The following KIAA0319L variants were observed in gnomAD, a reference collection of about 807,000 sequenced individuals.
KIAA0319L encodes the protein KIAA0319 like.
In KIAA0319L, 55 loss-of-function variants were observed where a neutral mutation model predicts 120.1. The observed-to-expected ratio is 0.46, with a 90% CI of 0.37 to 0.57. The LOEUF (loss-of-function observed/expected upper bound fraction) is 0.57. Among genes scored for constraint, KIAA0319L ranks in the 20% least tolerant of loss-of-function variants. KIAA0319L has a pLI of 0.00. For missense variants in KIAA0319L, 1,049 were observed against 1,255.3 expected (o/e 0.84, Z 2.48); for synonymous variants, 398 against 471.9 (o/e 0.84, Z 2.03).
At chr1:35,480,375 G>A (rs141033510) in intron 3 of KIAA0319L, among the ~76,000 whole-genome samples, 32 of 152,330 alleles carry the variant, frequency 2.1e-4, no homozygotes, top group African/African-American at 6.7e-4. Flanking sequence ...ATTTCTTAGC[G>A]TATGGGTTTG....
intron 16 of KIAA0319L, among the ~76,000 whole-genome samples, chr1:35,444,516 C>A (rs1378785470): frequency 6.6e-6 from 1 of 152,154 alleles, no homozygotes; most frequent in Non-Finnish European, 1.5e-5. Context: ...AAGTAACTTG[C>A]CCAAGGTCAC....
At chr1:35,469,776 A>G (rs1643498181) in intron 6 of KIAA0319L, among the ~76,000 whole-genome samples, 1 of 151,984 alleles carries the variant, frequency 6.6e-6, no homozygotes, top group Non-Finnish European at 1.5e-5. Flanking sequence ...AATTATAACT[A>G]ATTCTCTGGT....
chr1:35,504,362 A>C (rs934301878), intron 3 of KIAA0319L, among the ~76,000 whole-genome samples: 1 of 151,958 alleles, frequency 6.6e-6, no homozygotes, highest in Non-Finnish European at 1.5e-5. Flanking sequence ...ACGCCCGGCT[A>C]ACTTTTTGTA....
chr1:35,513,288 A>ATATATATATATATATATATTTTTTT (rs1414704674), intron 2 of KIAA0319L, among the ~76,000 whole-genome samples: 1 of 85,338 alleles, frequency 1.2e-5, no homozygotes, highest in African/African-American at 4.3e-5. Context: ...ATATATATAT[A>ATATATATATATATATATATTTTTTT]TTTTTTTTTT....
chr1:35,506,655 T>C lies in KIAA0319L; in HGVS notation c.623A>G (p.Asp208Gly). The change falls in exon 3 of 21, where the codon GAC becomes GGC. Residue 208 changes from aspartate (D) to glycine (G), a missense_variant. By Grantham distance (94) the Asp-to-Gly change is moderately conservative. Coordinates refer to ENST00000325722, the MANE Select transcript of KIAA0319L (RefSeq NM_024874.5). This position sits in a 1 kb window ranked among gnomAD's most constrained non-coding sequence, Gnocchi z 4.0. ...AGTCAGACCACCTAATTCGTTGGAG[T>C]CATTCACTTTAGAATGCTGTGTCAC... ...PIVTQHSKVN[D>G]SNELGGLTTS... 1 of 1,614,102 alleles carries C rather than the reference T, an allele frequency of 6.2e-7. No homozygotes were observed. Among genetic ancestry groups the C allele is most frequent in the Non-Finnish European group, 8.5e-7 (1 of 1,179,988 alleles).
At chr1:35,440,231 G>C (rs931047106) in intron 20 of KIAA0319L, 2 of 152,210 alleles carry the variant, frequency 1.3e-5, no homozygotes, top group Non-Finnish European at 1.5e-5. Flanking sequence ...TTCTGCTACT[G>C]TGTGTCTTTT....
At chr1:35,534,051 TCTC>T (rs1646474324) in intron 2 of KIAA0319L, among the ~76,000 whole-genome samples, 1 of 152,220 alleles carries the variant, frequency 6.6e-6, no homozygotes, top group Non-Finnish European at 1.5e-5. Context: ...CATTGCCCTC[TCTC>T]CTCCTTTTCA....
At chr1:35,466,358 C>T (rs1643262658) in intron 7 of KIAA0319L, among the ~76,000 whole-genome samples, 1 of 152,100 alleles carries the variant, frequency 6.6e-6, no homozygotes, top group East Asian at 1.9e-4. Flanking sequence ...AGAAGTAGGT[C>T]TCGGTAGATA....
In KIAA0319L at chr1:35,489,853, G is replaced by A. The variant is rs575630498; in HGVS notation, c.667-10641C>T. Among the ~76,000 whole-genome samples the A allele has an allele frequency of 3.3e-5, 5 of 152,080 alleles. No individual in the cohort carries two copies. The East Asian group carries it at 9.7e-4, about 29-fold the overall frequency. ...GGCTAATTTTTGTATTTTGAGTAGA[G>A]AAAGGGTTTCACCATGTTGGCCAGG... On this transcript the variant is annotated intron_variant, in intron 3 of 20. Coordinates refer to ENST00000325722, the MANE Select transcript of KIAA0319L (RefSeq NM_024874.5).
chr1:35,467,117 A>AC (rs948468240), intron 6 of KIAA0319L, among the ~76,000 whole-genome samples: 2 of 151,816 alleles, frequency 1.3e-5, no homozygotes. Context: ...AAAAAAAAAA[A>AC]CCCTTTTAAT....
rs1399569787 is a variant in KIAA0319L, at chr1:35,499,229, T to A, written c.666+7383A>T. 2.0e-5 allele frequency among the ~76,000 whole-genome samples: 3 copies of A among 152,150 alleles called. No homozygotes were observed. In the East Asian group the frequency reaches 5.8e-4, roughly 29 times the overall value. The stretch of plus-strand genomic sequence containing the variant: ...CTCTTGCTTCGTAGGTGCTACAGAC[T>A]GAATGTTTGTGTTCTCCCAAAATTC... On this transcript the variant is annotated intron_variant, in intron 3 of 20. Transcript: ENST00000325722.
chr1:35,448,290 T>C lies in KIAA0319L; in HGVS notation c.2396A>G (p.Asn799Ser), dbSNP rs757439687. ...CAGCCTCTCAGTTAGCTGACTGACG[T>C]TGATATCCAAGATGATCTCCACCAG... Reference protein sequence around the residue: ...NNLVEIILDINVSQLTERLKG... With the variant: ...NNLVEIILDISVSQLTERLKG... Residue 799 changes from asparagine to serine, a missense_variant, in exon 16 of 21, where the codon AAC (asparagine) becomes AGC (serine). By Grantham distance (46) the Asn-to-Ser change is conservative. Transcript: ENST00000325722. 5.0e-6 allele frequency: 8 copies of C among 1,614,134 alleles called. No homozygotes were observed. Among genetic ancestry groups the C allele is most frequent in the African/African-American group, 2.7e-5 (2 of 75,036 alleles).
chr1:35,466,722 G>A (rs1160152676), intron 6 of KIAA0319L, 27 bp from the exon 7 acceptor site: 2 of 1,448,530 alleles, frequency 1.4e-6, no homozygotes, highest in African/African-American at 1.4e-5. Context: ...AGATCTCTTA[G>A]ACAATCACAA....
intron 3 of KIAA0319L, among the ~76,000 whole-genome samples, chr1:35,479,756 T>C (rs961199650): frequency 5.3e-5 from 8 of 151,726 alleles, no homozygotes; most frequent in Non-Finnish European, 1.0e-4. Flanking sequence ...CATAAAAAAT[T>C]AGCTGGGCAT....
intron 7 of KIAA0319L, among the ~76,000 whole-genome samples, chr1:35,464,377 G>C (rs1370546310): frequency 6.6e-6 from 1 of 152,218 alleles, no homozygotes. Flanking sequence ...CTCTTGCTAT[G>C]TTTTCGCAGA....
At chr1:35,533,505 C>T (rs992492961) in intron 2 of KIAA0319L, 13 of 152,300 alleles carry the variant, frequency 8.5e-5, no homozygotes, top group African/African-American at 2.9e-4. Flanking sequence ...TATTTACCGT[C>T]ATTGAAGCTA....
At chr1:35,536,685 C>G (rs931879038) in intron 2 of KIAA0319L, among the ~76,000 whole-genome samples, 1 of 152,146 alleles carries the variant, frequency 6.6e-6, no homozygotes, top group Admixed American at 6.5e-5. Flanking sequence ...AGGTGCTATT[C>G]CATTTCAAAA....
rs144648761 is a variant in KIAA0319L at position 35,478,972 on chromosome 1, A to G, written c.907T>C (p.Tyr303His). 43 of 1,613,926 alleles carry G rather than the reference A, an allele frequency of 2.7e-5. No homozygotes were observed. The African/African-American group carries it at 5.7e-4, about 22-fold the overall frequency. ...CAAGAGCAAAGGTCCTTACCTGGGT[A>G]TGGTGCTGAGGTGCTCTGGAAAGAG... ...QASFQSTSAP[Y>H]PVIKELVVSA... The change falls in exon 4 of 21, where the codon TAC (tyrosine) becomes CAC (histidine). Residue 303 changes from tyrosine (Y) to histidine (H), a missense_variant. Coordinates refer to ENST00000325722, the MANE Select transcript of KIAA0319L (RefSeq NM_024874.5).
In KIAA0319L at chr1:35,435,020, GTC is replaced by G. The variant is rs1640671382; in HGVS notation, c.3022_3023del (p.Asp1008GlnfsTer3). Reference sequence around the variant, plus strand: ...GCCATGTAAAGATGGCATCATCGCTGTCCAGCTCTGACTCGGAGTGCATCAGG... The same window carrying G: ...GCCATGTAAAGATGGCATCATCGCTGCAGCTCTGACTCGGAGTGCATCAGG... Reference protein sequence around the residue: ...SSLMHSESELDSDDAIFTWPD... With the variant: ...SSLMHSESELXSDDAIFTWPD... On this transcript the variant is annotated frameshift_variant, in exon 21 of 21. Transcript: ENST00000325722. LOFTEE classifies it high-confidence loss of function. The G allele has an allele frequency of 6.2e-7, 1 of 1,614,104 alleles. No individual in the cohort carries two copies. The highest frequency in any genetic ancestry group is 1.7e-5 in the Admixed American group (1 of 60,010).
Sources: allele counts gnomAD v4.1 joint callset (sites outside exome capture counted in the v4.1 genomes callset), GRCh38; gene constraint gnomAD v4.1.1; non-coding constraint Gnocchi (gnomAD v3.1); transcripts MANE v1.5; gene names NCBI Gene and HGNC (gene_info 2026-07-23, HGNC 2026-07-21).